Variants in AP3D1 observed in about 807,000 individuals in gnomAD.
The protein encoded by AP3D1 is AP-3 complex subunit delta-1.
A neutral mutation model predicts 147.6 loss-of-function variants in AP3D1; 51 were observed. The observed-to-expected ratio is 0.35, with a 90% CI of 0.28 to 0.44. AP3D1 has a LOEUF of 0.44. Ranked by LOEUF, AP3D1 falls within the 20% of genes least tolerant of loss-of-function variation. The probability of loss-of-function intolerance (pLI) is 1.00; values close to 1 mark genes in which losing one functional copy is unlikely to be tolerated. For synonymous variants in AP3D1, 760 were observed against 663.0 expected (o/e 1.15, Z -2.25); for missense variants, 1,421 against 1,624.2 (o/e 0.87, Z 2.15).
chr19:2,104,887 C>A (rs931216709), intron 31 of AP3D1, among the ~76,000 whole-genome samples: 6 of 152,010 alleles, frequency 3.9e-5, no homozygotes, highest in Non-Finnish European at 8.8e-5. Flanking sequence ...TGTTCCCAGG[C>A]TGATCTTGAC....
At chr19:2,135,535 C>CA (rs1263670857) in intron 4 of AP3D1, among the ~76,000 whole-genome samples, 1 of 151,432 alleles carries the variant, frequency 6.6e-6, no homozygotes, top group Non-Finnish European at 1.5e-5. Flanking sequence ...GACTCAGTCT[C>CA]AAAACAAAAC....
At chr19:2,153,976 C>G (rs2019625064), upstream of AP3D1, among the ~76,000 whole-genome samples, 1 of 85,242 alleles carries the variant, frequency 1.2e-5, no homozygotes. Context: ...GAGACAGAGT[C>G]TCGCTCTGTT....
At chr19:2,131,666 ACGCGGGGAC>A (rs1195705396) in intron 5 of AP3D1, among the ~76,000 whole-genome samples, 4 of 86,810 alleles carry the variant, frequency 4.6e-5, no homozygotes. Context: ...ACAGGCAGCC[ACGCGGGGAC>A]TGCGCCCATC....
intron 1 of AP3D1, among the ~76,000 whole-genome samples, chr19:2,143,204 C>T (rs1388154647): frequency 6.7e-6 from 1 of 149,840 alleles, no homozygotes; most frequent in Non-Finnish European, 1.5e-5. Flanking sequence ...GCTAGGACTA[C>T]AGGCACGTGC....
intron 31 of AP3D1, among the ~76,000 whole-genome samples, chr19:2,106,092 C>CA (rs1052725563): frequency 4.0e-5 from 6 of 150,414 alleles, no homozygotes; most frequent in East Asian, 1.9e-4. Context: ...GACTCCATCT[C>CA]AAAAAAAAAG....
chr19:2,132,446 G>C (rs1372203464), intron 5 of AP3D1, 25 bp downstream of exon 5: 1 of 1,570,964 alleles, frequency 6.4e-7, no homozygotes, highest in Non-Finnish European at 8.7e-7. Context: ...ACATGCAGGG[G>C]TGGTGGGCAG....
At chr19:2,139,791 C>G (rs1229062792) in intron 1 of AP3D1, among the ~76,000 whole-genome samples, 2 of 152,204 alleles carry the variant, frequency 1.3e-5, no homozygotes, top group African/African-American at 4.8e-5. Flanking sequence ...CTGCTGTGCC[C>G]ACCAGAGGCA....
In AP3D1 at chr19:2,101,720, T is replaced by G. The variant is rs1366810593; in HGVS notation, c.*453A>C. ...AGAAAACCTTGGCGACAGCGGCCCT[T>G]CCTTCCCCTCCCCCGGACGCAACCG... is the stretch of plus-strand genomic sequence containing the variant. On this transcript the variant is annotated 3_prime_UTR_variant, in exon 32 of 32. Coordinates refer to ENST00000643116, the MANE Select transcript of AP3D1 (RefSeq NM_001261826.3). 1.9e-5 allele frequency: 3 copies of G among 155,728 alleles called. No individual in the cohort carries two copies. The highest frequency in any genetic ancestry group is 4.3e-5 in the Non-Finnish European group (3 of 70,294). 9.6% of individuals were successfully genotyped at this position (155,728 alleles called of 1,614,324 possible). A position where few individuals can be genotyped will look rare whatever the true frequency, so the allele number is the denominator to read the frequency against.
intron 1 of AP3D1, among the ~76,000 whole-genome samples, chr19:2,161,700 G>T (rs2019700037): frequency 6.6e-6 from 1 of 152,056 alleles, no homozygotes; most frequent in East Asian, 1.9e-4. Context: ...TGTAATCCCA[G>T]CACTTAGGAA....
chr19:2,102,992 C>G (rs1394216312), intron 31 of AP3D1, among the ~76,000 whole-genome samples: 1 of 151,798 alleles, frequency 6.6e-6, no homozygotes, highest in African/African-American at 2.4e-5. Context: ...GGCCGGATGG[C>G]TCATGCCTGT....
intron 8 of AP3D1, among the ~76,000 whole-genome samples, chr19:2,128,506 C>CA (rs2018830529): frequency 1.6e-5 from 2 of 126,418 alleles, no homozygotes; most frequent in African/African-American, 6.4e-5. Flanking sequence ...GGAGCCGGCC[C>CA]GCCCCACAGC....
chr19:2,111,448 A>T (rs2018274558), intron 25 of AP3D1, 116 bp from the exon 26 acceptor site: 1 of 1,380,764 alleles, frequency 7.2e-7, no homozygotes, highest in Admixed American at 2.0e-5. Flanking sequence ...GCTTGGGGCA[A>T]GGGGCTTCAA....
At chr19:2,111,850 G>T in intron 24 of AP3D1, 22 bp from the exon 25 acceptor site, 1 of 1,612,734 alleles carries the variant, frequency 6.2e-7, no homozygotes, top group Non-Finnish European at 8.5e-7. Context: ...GGAGGGTCGG[G>T]TTCAGTGCCC....
upstream of AP3D1, among the ~76,000 whole-genome samples, chr19:2,152,696 T>C (rs890940829): frequency 5.3e-5 from 8 of 151,452 alleles, no homozygotes; most frequent in Admixed American, 4.6e-4. Flanking sequence ...GCCAATATGG[T>C]GAAACCCCAT....
chr19:2,114,714 C>A, intron 21 of AP3D1, 34 bp downstream of exon 21: 12 of 1,433,950 alleles, frequency 8.4e-6, no homozygotes, highest in Non-Finnish European at 1.1e-5. Context: ...CCACATGTGG[C>A]CTCCACCCTC....
intron 31 of AP3D1, among the ~76,000 whole-genome samples, chr19:2,103,938 C>A (rs1280438713): frequency 6.6e-6 from 1 of 152,058 alleles, no homozygotes; most frequent in African/African-American, 2.4e-5. Context: ...GATGCCAACA[C>A]CAAGGCACCA....
chr19:2,156,150 A>G (rs974258048), upstream of AP3D1, among the ~76,000 whole-genome samples: 2 of 152,170 alleles, frequency 1.3e-5, no homozygotes, highest in East Asian at 1.9e-4. Flanking sequence ...TGCAACCTCC[A>G]GGGTGACCAG....
At chr19:2,105,957 C>T (rs1339862729) in intron 31 of AP3D1, among the ~76,000 whole-genome samples, 3 of 152,062 alleles carry the variant, frequency 2.0e-5, no homozygotes, top group Non-Finnish European at 2.9e-5. Flanking sequence ...ATTATCCAGG[C>T]GTGGTCGTGG....
chr19:2,152,284 G>T (rs548861272), upstream of AP3D1, among the ~76,000 whole-genome samples: 5 of 152,316 alleles, frequency 3.3e-5, no homozygotes, highest in East Asian at 9.6e-4. Flanking sequence ...GCTCACGCCT[G>T]TAATCCCAGC....
Sources: gnomAD v4.1 joint callset for allele counts (sites outside exome capture counted in the v4.1 genomes callset) on GRCh38, gnomAD v4.1.1 for gene constraint, MANE v1.5 for transcripts, NCBI Gene and HGNC (gene_info 2026-07-23, HGNC 2026-07-21) for gene names.